Variants in TLX1 observed in about 807,000 individuals in gnomAD.
TLX1 encodes the protein T cell leukemia homeobox 1.
Under a neutral mutation model 26.5 loss-of-function variants are expected in TLX1, and 6 were observed. The ratio of observed to expected loss-of-function variants is 0.23; its 90% CI spans 0.12 to 0.45. The LOEUF (loss-of-function observed/expected upper bound fraction) is 0.45, where lower values mean the gene tolerates loss of function less well. Among genes scored for constraint, TLX1 ranks in the 20% least tolerant of loss-of-function variants. TLX1 has a pLI of 0.99. For synonymous variants in TLX1, 217 were observed against 219.7 expected, an observed-to-expected ratio of 0.99 and a Z score of 0.11; for missense variants, 418 against 482.6, an observed-to-expected ratio of 0.87 and a Z score of 1.25.
Position 101,134,305 on chromosome 10 carries a change from C to G in TLX1, c.699C>G (p.Ala233=). 6.2e-7 allele frequency: 1 copy of G among 1,612,496 alleles called. No homozygotes were observed. The highest frequency in any genetic ancestry group is 8.5e-7 in the Non-Finnish European group (1 of 1,179,536). ...QKYLASAERA[A]LAKALKMTDA... is the part of the protein sequence containing the mutation. Reference sequence around the variant, plus strand: ...ACCTGGCCTCGGCCGAGCGCGCCGCCCTGGCCAAGGCGCTCAAAATGACCG... The same window carrying G: ...ACCTGGCCTCGGCCGAGCGCGCCGCGCTGGCCAAGGCGCTCAAAATGACCG... The change falls in exon 2 of 3, where the codon GCC becomes GCG. Residue 233 remains alanine (A), a synonymous_variant. Coordinates refer to ENST00000370196, the MANE Select transcript of TLX1 (RefSeq NM_005521.4).
chr10:101,131,910 C>G lies in TLX1; in HGVS notation c.369C>G (p.Ala123=). 1 of 1,398,592 alleles carries G rather than the reference C, an allele frequency of 7.2e-7. No homozygotes were observed. Among genetic ancestry groups the G allele is most frequent in the Non-Finnish European group, 9.2e-7 (1 of 1,084,588 alleles). 86.6% of individuals were successfully genotyped at this position (1,398,592 alleles called of 1,614,324 possible). Residue 123 remains alanine (A), a synonymous_variant, in exon 1 of 3, where the codon GCC becomes GCG. Coordinates refer to ENST00000370196, the MANE Select transcript of TLX1 (RefSeq NM_005521.4). ...PGGGGGSSGG[A]GALSAAGVIR... The stretch of plus-strand genomic sequence containing the variant: ...GCGGCGGCGGCAGCAGCGGCGGTGC[C>G]GGGGCACTCAGCGCTGCGGGGGTAA...
In TLX1 at chr10:101,131,576, G is replaced by A. The variant is rs547819047; in HGVS notation, c.35G>A (p.Gly12Asp). The change falls in exon 1 of 3, where the codon GGT becomes GAT. Residue 12 changes from glycine to aspartate, a missense_variant. Around this residue, in one of 3 missense-constraint regions of TLX1, gnomAD observed 322 missense variants for 344.6 expected, o/e 0.93. Coordinates refer to ENST00000370196, the MANE Select transcript of TLX1 (RefSeq NM_005521.4). ...CTGGGTCCGCACCACCTCCACCCGG[G>A]TCACGCAGAGCCCATTAGCTTCGGC... is the stretch of plus-strand genomic sequence containing the variant. ...EHLGPHHLHP[G>D]HAEPISFGID... is the part of the protein sequence containing the mutation. The A allele has an allele frequency of 3.2e-6, 5 of 1,548,390 alleles. No homozygotes were observed. The highest frequency in any genetic ancestry group is 1.2e-5 in the South Asian group (1 of 83,054).
chr10:101,131,820 C>T lies in TLX1; in HGVS notation c.279C>T (p.Ser93=), dbSNP rs1417289407. Residue 93 remains serine (S), a synonymous_variant, in exon 1 of 3, where the codon AGC becomes AGT. Coordinates refer to ENST00000370196, the MANE Select transcript of TLX1 (RefSeq NM_005521.4). ...GGPAGGGGAC[S]MGPLTGSYNV... ...CGGCAGGCGGCGGCGGCGCCTGCAG[C>T]ATGGGTCCTCTGACCGGCTCCTACA... 4.3e-6 allele frequency: 6 copies of T among 1,400,874 alleles called. No homozygotes were observed. The East Asian group carries it at 1.8e-4, about 43-fold the overall frequency. The allele number at this position is 1,400,874 out of a possible 1,614,324, so 86.8% of individuals were successfully genotyped here.
At chr10:101,134,101 G>C (rs1245027717) in intron 1 of TLX1, 74 bp from the exon 2 acceptor site, 5 of 1,429,000 alleles carry the variant, frequency 3.5e-6, no homozygotes, top group Non-Finnish European at 3.8e-6. Flanking sequence ...CTGACGCTCT[G>C]CTGCTTGCCT....
intron 2 of TLX1, 120 bp downstream of exon 2, chr10:101,134,496 G>A: frequency 8.6e-7 from 1 of 1,160,204 alleles, no homozygotes; most frequent in Non-Finnish European, 1.2e-6. Context: ...TCCTTTCGGA[G>A]GAGCGAGCTC....
rs751723327 is a variant in TLX1, at chr10:101,132,153, T to C, written c.568+44T>C. 1 of 1,320,082 alleles carries C rather than the reference T, an allele frequency of 7.6e-7. No individual in the cohort carries two copies. Among genetic ancestry groups the C allele is most frequent in the African/African-American group, 1.5e-5 (1 of 65,936 alleles). The allele number at this position is 1,320,082 out of a possible 1,614,324, so 81.8% of individuals were successfully genotyped here. On this transcript the variant is annotated intron_variant, in intron 1 of 2. Transcript: ENST00000370196. The surrounding 1 kb of genome is among the most constrained non-coding windows in gnomAD (Gnocchi z 4.1). The stretch of plus-strand genomic sequence containing the variant: ...CTCCCCGCCTGGCCGCGGCCCGGGC[T>C]CCGTGCTACCCCTGCCCCGCCGGGT...
rs948997995 is a variant in TLX1 at position 101,132,955 on chromosome 10, A to G, written c.568+846A>G. On this transcript the variant is annotated intron_variant, in intron 1 of 2. Coordinates refer to ENST00000370196, the MANE Select transcript of TLX1 (RefSeq NM_005521.4). The surrounding 1 kb of genome is among the most constrained non-coding windows in gnomAD (Gnocchi z 4.1). Reference sequence around the variant, plus strand: ...CTCCCGTTTCCACTCTGGGCACTCAACTCTCCCTCTGGCGTGGATCCCTTC... The same window carrying G: ...CTCCCGTTTCCACTCTGGGCACTCAGCTCTCCCTCTGGCGTGGATCCCTTC... The G allele has an allele frequency of 6.6e-6, 1 of 151,612 alleles. No individual in the cohort carries two copies. Among genetic ancestry groups the G allele is most frequent in the African/African-American group, 2.4e-5 (1 of 40,938 alleles). 9.4% of individuals were successfully genotyped at this position (151,612 alleles called of 1,614,324 possible).
chr10:101,131,648 C>G lies in TLX1; in HGVS notation c.107C>G (p.Pro36Arg). The change falls in exon 1 of 3, where the codon CCC (proline) becomes CGC (arginine). Residue 36 changes from proline (P) to arginine (R), a missense_variant. By Grantham distance (103) the Pro-to-Arg change is moderately radical. Around this residue, in one of 3 missense-constraint regions of TLX1, gnomAD observed 322 missense variants for 344.6 expected, o/e 0.93. Transcript: ENST00000370196. ...CCGGACCAGGGTGGCTGCATGGGAC[C>G]CGCCTCGCGCCTCCAGGACGGAGAA... is the stretch of plus-strand genomic sequence containing the variant. ...NSPDQGGCMGPASRLQDGEYG... is the reference protein window; with the variant it reads ...NSPDQGGCMGRASRLQDGEYG... 1 of 1,567,064 alleles carries G rather than the reference C, an allele frequency of 6.4e-7. No individual in the cohort carries two copies. Among genetic ancestry groups the G allele is most frequent in the Non-Finnish European group, 8.6e-7 (1 of 1,160,484 alleles).
In TLX1 at chr10:101,136,349, G is replaced by T. The variant is rs574452241; in HGVS notation, c.771-342G>T. Among the ~76,000 whole-genome samples the T allele has an allele frequency of 1.3e-4, 20 of 152,328 alleles. No individual in the cohort carries two copies. In the South Asian group the frequency reaches 3.9e-3, roughly 30 times the overall value. On this transcript the variant is annotated intron_variant, in intron 2 of 2. Transcript: ENST00000370196. ...GCACCTGGTCTCCCTCAGGGCCGGG[G>T]AGGGGGAGGCGAGATGCCATCCTAC...
In TLX1 at chr10:101,131,753, C is replaced by T. The variant is rs992155351; in HGVS notation, c.212C>T (p.Ala71Val). 6 of 1,419,290 alleles carry T rather than the reference C, an allele frequency of 4.2e-6. No individual in the cohort carries two copies. The highest frequency in any genetic ancestry group is 1.5e-5 in the African/African-American group (1 of 66,218). The allele number at this position is 1,419,290 out of a possible 1,614,324, so 87.9% of individuals were successfully genotyped here. The change falls in exon 1 of 3, where the codon GCG becomes GTG. Residue 71 changes from alanine (A) to valine (V), a missense_variant. Ala to Val is a moderately conservative substitution (Grantham distance 64). This residue lies in a region of TLX1 where 322 missense variants were observed against 344.6 expected (regional missense o/e 0.93). Transcript: ENST00000370196. ...GCGGCCGCGACGGGGGCTGGAGGAG[C>T]GGGGGCCTATGGTACTGGAGGTCCC... is the stretch of plus-strand genomic sequence containing the variant. ...GSAAATGAGG[A>V]GAYGTGGPGG...
chr10:101,136,167 G>A (rs944973726), intron 2 of TLX1, among the ~76,000 whole-genome samples: 2 of 152,226 alleles, frequency 1.3e-5, no homozygotes. Flanking sequence ...CAGGAGCCCC[G>A]GTAGGGCACA....
At chr10:101,135,228 A>G (rs973409992) in intron 2 of TLX1, 57 of 151,694 alleles carry the variant, frequency 3.8e-4, no homozygotes, top group African/African-American at 1.3e-3. Flanking sequence ...TGCCCGCCGG[A>G]GTTTCTCCCC....
Position 101,133,612 on chromosome 10 carries a change from C to A in TLX1, c.569-563C>A, listed in dbSNP as rs559310114. 5.3e-5 allele frequency among the ~76,000 whole-genome samples: 8 copies of A among 152,356 alleles called. No individual in the cohort carries two copies. In the South Asian group the frequency reaches 1.7e-3, roughly 32 times the overall value. ...CCTAATACTGTGTCAGGCATGAAGG[C>A]GGTTTCAGCGAGTGTATGGCTGTGG... On this transcript the variant is annotated intron_variant, in intron 1 of 2. Transcript: ENST00000370196.
chr10:101,135,993 G>A (rs1351852633), intron 2 of TLX1, among the ~76,000 whole-genome samples: 2 of 152,200 alleles, frequency 1.3e-5, no homozygotes, highest in African/African-American at 2.4e-5. Context: ...TGGCTTCATC[G>A]ATCGCCTACA....
chr10:101,134,487 C>G, intron 2 of TLX1, 111 bp downstream of exon 2: 1 of 1,246,850 alleles, frequency 8.0e-7, no homozygotes, highest in Non-Finnish European at 1.1e-6. Flanking sequence ...GGTTTCTGAT[C>G]CTTTCGGAGG....
In TLX1 at chr10:101,131,486, C is replaced by G; in HGVS notation, c.-56C>G. The stretch of plus-strand genomic sequence containing the variant: ...CTCCCAGCCCCTGCTAGCTGCCCCC[C>G]GAGCCGAGCGCAGCGAGCGCCGCCG... On this transcript the variant is annotated 5_prime_UTR_variant, in exon 1 of 3. Transcript: ENST00000370196. 3 of 1,360,898 alleles carry G rather than the reference C, an allele frequency of 2.2e-6. No homozygotes were observed. Among genetic ancestry groups the G allele is most frequent in the Non-Finnish European group, 2.9e-6 (3 of 1,051,470 alleles). The allele number at this position is 1,360,898 out of a possible 1,614,324, so 84.3% of individuals were successfully genotyped here.
chr10:101,137,530 CTG>C lies in TLX1; in HGVS notation c.*620_*621del, dbSNP rs1461915991. ...GCACAAACACAAGGTCATGGCCACA[CTG>C]TGACACACTACACCACACACAACAG... On this transcript the variant is annotated 3_prime_UTR_variant, in exon 3 of 3. Coordinates refer to ENST00000370196, the MANE Select transcript of TLX1 (RefSeq NM_005521.4). 5.1e-5 allele frequency: 12 copies of C among 236,480 alleles called. No homozygotes were observed. The highest frequency in any genetic ancestry group is 8.3e-5 in the Non-Finnish European group (10 of 120,278). 14.6% of individuals were successfully genotyped at this position (236,480 alleles called of 1,614,324 possible).
Position 101,137,419 on chromosome 10 carries a change from TCACAGTGTTTA to T in TLX1, c.*510_*520del. 3.9e-6 allele frequency: 1 copy of T among 259,000 alleles called. No homozygotes were observed. Among genetic ancestry groups the T allele is most frequent in the Non-Finnish European group, 7.5e-6 (1 of 133,290 alleles). 16.0% of individuals were successfully genotyped at this position (259,000 alleles called of 1,614,324 possible). A position where few individuals can be genotyped will look rare whatever the true frequency, so the allele number is the denominator to read the frequency against. On this transcript the variant is annotated 3_prime_UTR_variant, in exon 3 of 3. Transcript: ENST00000370196. ...GGGAGAGTGTCAACCAGACAGAGGG[TCACAGTGTTTA>T]CACTTTGGACCTTACGATCAGGCAC...
chr10:101,136,988 C>T lies in TLX1; in HGVS notation c.*75C>T. 2 of 1,556,816 alleles carry T rather than the reference C, an allele frequency of 1.3e-6. No homozygotes were observed. Among genetic ancestry groups the T allele is most frequent in the Non-Finnish European group, 1.7e-6 (2 of 1,146,630 alleles). ...AGGCCTGAGACCCAGGACTCCTCCC[C>T]ACCCTCCTGGCCTCAGACTGCACCC... On this transcript the variant is annotated 3_prime_UTR_variant, in exon 3 of 3. Transcript: ENST00000370196.
Sources: allele counts gnomAD v4.1 joint callset (sites outside exome capture counted in the v4.1 genomes callset), GRCh38; gene constraint gnomAD v4.1.1; regional missense constraint gnomAD v4.1.1; non-coding constraint Gnocchi (gnomAD v3.1); transcripts MANE v1.5; gene names NCBI Gene and HGNC (gene_info 2026-07-23, HGNC 2026-07-21).